Variants in MTHFD1L observed in about 807,000 individuals in gnomAD.
MTHFD1L encodes the protein methylenetetrahydrofolate dehydrogenase (NADP+ dependent) 1 like, also known as monofunctional C1-tetrahydrofolate synthase, mitochondrial.
Under a neutral mutation model 119.5 loss-of-function variants are expected in MTHFD1L, and 81 were observed. The observed-to-expected ratio is 0.68, with a 90% CI of 0.57 to 0.82. MTHFD1L has a LOEUF of 0.82. Among genes scored for constraint, MTHFD1L ranks in the 40% least tolerant of loss-of-function variants. The pLI, the probability that MTHFD1L is intolerant of heterozygous loss-of-function variation, is 0.00. For missense variants in MTHFD1L, 1,125 were observed against 1,253.4 expected (o/e 0.90, Z 1.55); for synonymous variants, 430 against 475.2 (o/e 0.90, Z 1.24).
intron 7 of MTHFD1L, among the ~76,000 whole-genome samples, chr6:150,902,364 G>A (rs903341106): frequency 3.3e-5 from 5 of 152,134 alleles, no homozygotes; most frequent in African/African-American, 1.2e-4. Context: ...CTGGGGAGTG[G>A]GGTGGTTTGC....
At chr6:151,015,994 G>C (rs971900894) in intron 24 of MTHFD1L, among the ~76,000 whole-genome samples, 2 of 152,148 alleles carry the variant, frequency 1.3e-5, no homozygotes, top group Admixed American at 6.5e-5. Context: ...GGCTGAGGTG[G>C]GAGAATTGCT....
intron 5 of MTHFD1L, among the ~76,000 whole-genome samples, 181 bp downstream of exon 5, chr6:150,883,067 C>T (rs1404590198): frequency 6.6e-6 from 1 of 150,914 alleles, no homozygotes; most frequent in Non-Finnish European, 1.5e-5. Context: ...GAGTCTCGCT[C>T]TGTTGCCCAG....
Position 151,089,096 on chromosome 6 carries a change from C to A in MTHFD1L, c.2848-3371C>A, listed in dbSNP as rs142269490. Among the ~76,000 whole-genome samples the A allele has an allele frequency of 2.1e-3, 320 of 152,258 alleles. 1 individual carries two copies. Among genetic ancestry groups the A allele is most frequent in the African/African-American group, 7.2e-3 (300 of 41,562 alleles). Reference sequence around the variant, plus strand: ...TCATCTGTACTGAATTCTGCCCTTGCTGTGAATCATGTCACAGTCTCAGAA... The same window carrying A: ...TCATCTGTACTGAATTCTGCCCTTGATGTGAATCATGTCACAGTCTCAGAA... On this transcript the variant is annotated intron_variant, in intron 26 of 27. Transcript: ENST00000367321.
Position 150,877,660 on chromosome 6 carries a change from A to T in MTHFD1L, c.339A>T (p.Glu113Asp). Residue 113 changes from glutamate (E) to aspartate (D), a missense_variant, in exon 3 of 28, where the codon GAA becomes GAT. Physicochemically the swap from Glu to Asp is conservative, Grantham distance 45. Coordinates refer to ENST00000367321, the MANE Select transcript of MTHFD1L (RefSeq NM_015440.5). ...IQAGDDNLMQEINQNLAEEAG... is the reference protein window; with the variant it reads ...IQAGDDNLMQDINQNLAEEAG... ...CAGGTGACGACAACTTGATGCAGGA[A>T]ATCAACCAGAATTTGGCTGAGGAGG... 1.2e-6 allele frequency: 2 copies of T among 1,614,196 alleles called. No homozygotes were observed. The highest frequency in any genetic ancestry group is 1.7e-6 in the Non-Finnish European group (2 of 1,180,042).
intron 26 of MTHFD1L, among the ~76,000 whole-genome samples, chr6:151,071,487 A>C (rs1791940271): frequency 6.6e-6 from 1 of 152,132 alleles, no homozygotes; most frequent in African/African-American, 2.4e-5. Context: ...CCACATACTT[A>C]TTTGAGAATG....
chr6:150,923,303 G>A (rs1377574338), intron 10 of MTHFD1L, among the ~76,000 whole-genome samples: 1 of 152,016 alleles, frequency 6.6e-6, no homozygotes, highest in Non-Finnish European at 1.5e-5. Context: ...GGTTTAGAAT[G>A]ATTGGGTAGG....
At chr6:150,894,444 C>T (rs1353987578) in intron 7 of MTHFD1L, among the ~76,000 whole-genome samples, 1 of 152,104 alleles carries the variant, frequency 6.6e-6, no homozygotes, top group African/African-American at 2.4e-5. Context: ...TACCATGAGA[C>T]AACGTTCCAG....
intron 20 of MTHFD1L, among the ~76,000 whole-genome samples, chr6:150,994,221 T>C (rs1351383649): frequency 2.0e-5 from 3 of 152,060 alleles, no homozygotes; most frequent in South Asian, 4.2e-4. Context: ...TAGTCCAGGA[T>C]GGTTGCACAA....
chr6:150,891,032 C>A (rs1035152763), intron 7 of MTHFD1L, among the ~76,000 whole-genome samples: 4 of 152,224 alleles, frequency 2.6e-5, no homozygotes, highest in African/African-American at 9.6e-5. Flanking sequence ...ATCCCCCAGG[C>A]TGCAGTGCAG....
chr6:151,086,453 G>C (rs1165261128), intron 26 of MTHFD1L, among the ~76,000 whole-genome samples: 1 of 152,146 alleles, frequency 6.6e-6, no homozygotes, highest in African/African-American at 2.4e-5. Flanking sequence ...GAAAGAAAAG[G>C]CCTAATTTCT....
chr6:150,887,909 AC>A lies in MTHFD1L; in HGVS notation c.709del (p.Gln237AsnfsTer10). 6.2e-7 allele frequency: 1 copy of A among 1,611,190 alleles called. No homozygotes were observed. Among genetic ancestry groups the A allele is most frequent in the Non-Finnish European group, 8.5e-7 (1 of 1,178,948 alleles). Reference sequence around the variant, plus strand: ...CCCATGGGTCTTTGGAAGCTGCTCTACAATGCCTGTTCCAGAGAAAAGGGTC... The same window carrying A: ...CCCATGGGTCTTTGGAAGCTGCTCTAAATGCCTGTTCCAGAGAAAAGGGTC... Reference protein sequence around the residue: ...GAHGSLEAALQCLFQRKGSMT... With the variant: ...GAHGSLEAALXCLFQRKGSMT... On this transcript the variant is annotated frameshift_variant, in exon 7 of 28. Coordinates refer to ENST00000367321, the MANE Select transcript of MTHFD1L (RefSeq NM_015440.5). LOFTEE classifies it high-confidence loss of function.
chr6:150,912,346 C>T (rs1249240888), intron 8 of MTHFD1L, among the ~76,000 whole-genome samples: 2 of 150,600 alleles, frequency 1.3e-5, no homozygotes, highest in Non-Finnish European at 3.0e-5. Context: ...TAATTTTTAG[C>T]CATTCCTGAT....
chr6:150,964,155 AAAAG>A (rs1168302109), intron 18 of MTHFD1L, among the ~76,000 whole-genome samples: 2 of 152,366 alleles, frequency 1.3e-5, no homozygotes, highest in African/African-American at 2.4e-5. Flanking sequence ...CGTTCTCAAA[AAAAG>A]AAAGAAAAGA....
At chr6:150,881,135 T>C (rs77911438) in intron 4 of MTHFD1L, among the ~76,000 whole-genome samples, 1 of 152,352 alleles carries the variant, frequency 6.6e-6, no homozygotes, top group East Asian at 1.9e-4. Context: ...CCTATTTTGT[T>C]GAGGTCCTAT....
intron 7 of MTHFD1L, among the ~76,000 whole-genome samples, chr6:150,895,980 G>A (rs534997046): frequency 6.6e-5 from 10 of 152,248 alleles, no homozygotes; most frequent in Admixed American, 2.6e-4. Flanking sequence ...TATCTCAGTG[G>A]TCTTCACACT....
At chr6:151,026,963 T>A (rs1270113932) in intron 24 of MTHFD1L, among the ~76,000 whole-genome samples, 1 of 151,168 alleles carries the variant, frequency 6.6e-6, no homozygotes, top group Admixed American at 6.6e-5. Context: ...CAAGTAGCTT[T>A]GACTACAGGA....
chr6:150,967,430 A>G (rs1797381748), intron 19 of MTHFD1L, among the ~76,000 whole-genome samples: 1 of 152,012 alleles, frequency 6.6e-6, no homozygotes, highest in Admixed American at 6.6e-5. Context: ...GTTCTCCTCC[A>G]GAATTAGCCA....
chr6:150,929,281 G>C lies in MTHFD1L; in HGVS notation c.1256+2986G>C, dbSNP rs17080500. On this transcript the variant is annotated intron_variant, in intron 11 of 27. Coordinates refer to ENST00000367321, the MANE Select transcript of MTHFD1L (RefSeq NM_015440.5). ...AAAAAGCATTTGATTTGTGAAATTG[G>C]TTCCTTTCTTCCAGGCTTCAGATGA... 7.0e-3 allele frequency among the ~76,000 whole-genome samples: 1,062 copies of C among 152,292 alleles called. 15 individuals are homozygous for C. Among genetic ancestry groups the C allele is most frequent in the African/African-American group, 0.024 (998 of 41,570 alleles).
intron 15 of MTHFD1L, among the ~76,000 whole-genome samples, chr6:150,947,452 C>A (rs1371793803): frequency 6.6e-6 from 1 of 151,652 alleles, no homozygotes; most frequent in Non-Finnish European, 1.5e-5. Flanking sequence ...GATTTCTTGG[C>A]TTGGTGTGGT....
Sources: allele counts gnomAD v4.1 joint callset (sites outside exome capture counted in the v4.1 genomes callset), GRCh38; gene constraint gnomAD v4.1.1; transcripts MANE v1.5; gene names NCBI Gene and HGNC (gene_info 2026-07-23, HGNC 2026-07-21).